SPIRE1: variants seen among roughly 807,000 people sequenced by gnomAD.
SPIRE1 encodes protein spire homolog 1.
A neutral mutation model predicts 94.1 loss-of-function variants in SPIRE1; 40 were observed. The ratio of observed to expected loss-of-function variants is 0.43; its 90% CI spans 0.33 to 0.55. The LOEUF is 0.55. Among genes scored for constraint, SPIRE1 ranks in the 20% least tolerant of loss-of-function variants. The pLI is 0.06. For missense variants in SPIRE1, 838 were observed against 975.2 expected (o/e 0.86, Z 1.87); for synonymous variants, 376 against 371.7 (o/e 1.01, Z -0.13).
chr18:12,467,220 GT>G, intron 10 of SPIRE1, among the ~76,000 whole-genome samples: 1 of 152,340 alleles, frequency 6.6e-6, no homozygotes, highest in South Asian at 2.1e-4. Context: ...GGAGGTTGCA[GT>G]GAGCCAGGAT....
rs192154720 is a variant in SPIRE1 at position 12,529,745 on chromosome 18, T to A, written c.729+5731A>T. On this transcript the variant is annotated intron_variant, in intron 4 of 16. Coordinates refer to ENST00000409402, the MANE Select transcript of SPIRE1 (RefSeq NM_001128626.2). ...TATGTGTATGAATGACACAAGAAAG[T>A]GCAAGAGGAAGAGAAAATTTTCATC... is the stretch of plus-strand genomic sequence containing the variant. Among the ~76,000 whole-genome samples the A allele has an allele frequency of 2.3e-3, 350 of 152,304 alleles. 3 individuals carry two copies. Among genetic ancestry groups the A allele is most frequent in the South Asian group, 0.014 (69 of 4,822 alleles).
intron 1 of SPIRE1, among the ~76,000 whole-genome samples, chr18:12,640,866 G>C (rs574490907): frequency 6.6e-6 from 1 of 152,272 alleles, no homozygotes; most frequent in South Asian, 2.1e-4. Context: ...TTGACTTTAA[G>C]GAAAATGGGA....
intron 4 of SPIRE1, among the ~76,000 whole-genome samples, chr18:12,532,946 A>G (rs888149357): frequency 2.6e-5 from 4 of 152,330 alleles, no homozygotes; most frequent in Admixed American, 1.3e-4. Context: ...GAGACAGAAT[A>G]TTAGCAAACC....
At chr18:12,486,945 CGGGTTCA>C (rs1568202195) in intron 8 of SPIRE1, among the ~76,000 whole-genome samples, 1 of 152,140 alleles carries the variant, frequency 6.6e-6, no homozygotes, top group Admixed American at 6.5e-5. Context: ...CTCCGCCTCC[CGGGTTCA>C]AGCAATTCTT....
At chr18:12,500,090 G>T (rs183859286) in intron 6 of SPIRE1, among the ~76,000 whole-genome samples, 25 of 152,150 alleles carry the variant, frequency 1.6e-4, no homozygotes, top group Non-Finnish European at 2.9e-5. Context: ...ACACATGGAC[G>T]CAAAGATGGA....
At chr18:12,583,236 C>T (rs1269932883) in intron 2 of SPIRE1, among the ~76,000 whole-genome samples, 4 of 152,162 alleles carry the variant, frequency 2.6e-5, no homozygotes, top group Admixed American at 2.6e-4. Flanking sequence ...TTTTGAGAGG[C>T]AGATGCAGGA....
intron 6 of SPIRE1, among the ~76,000 whole-genome samples, chr18:12,497,832 T>C (rs2143909936): frequency 6.6e-6 from 1 of 152,362 alleles, no homozygotes; most frequent in East Asian, 1.9e-4. Flanking sequence ...CTGGCTAATT[T>C]TCACATGCTT....
intron 11 of SPIRE1, 39 bp from the exon 12 acceptor site, chr18:12,463,532 T>C (rs1258105780): frequency 6.4e-7 from 1 of 1,553,872 alleles, no homozygotes. Context: ...TTACTGTGAA[T>C]TTTCTAACAC....
At chr18:12,503,084 G>T (rs2033717288) in intron 6 of SPIRE1, among the ~76,000 whole-genome samples, 1 of 150,694 alleles carries the variant, frequency 6.6e-6, no homozygotes, top group Admixed American at 6.6e-5. Flanking sequence ...ACTCCAGCCT[G>T]GGCAACAGAG....
At chr18:12,469,614 T>C (rs2032263617) in intron 10 of SPIRE1, among the ~76,000 whole-genome samples, 1 of 144,746 alleles carries the variant, frequency 6.9e-6, no homozygotes, top group Non-Finnish European at 1.5e-5. Flanking sequence ...TTATTTATAT[T>C]TATATAAATG....
chr18:12,501,096 G>GAAAAAAA (rs1180397548), intron 6 of SPIRE1, among the ~76,000 whole-genome samples: 1 of 89,670 alleles, frequency 1.1e-5, no homozygotes, highest in African/African-American at 4.1e-5. Flanking sequence ...AAAAAAAAAA[G>GAAAAAAA]AAAAAAAAAA....
At chr18:12,480,582 C>G (rs757948377) in intron 9 of SPIRE1, among the ~76,000 whole-genome samples, 3 of 152,162 alleles carry the variant, frequency 2.0e-5, no homozygotes, top group African/African-American at 7.2e-5. Flanking sequence ...GTGCCTAGTA[C>G]AGGCAGTGAA....
intron 2 of SPIRE1, among the ~76,000 whole-genome samples, chr18:12,553,099 G>T (rs2035401667): frequency 6.6e-6 from 1 of 152,130 alleles, no homozygotes; most frequent in African/African-American, 2.4e-5. Context: ...ATGGACCTTG[G>T]GTTAGACTAC....
At chr18:12,518,533 T>C (rs2034267274) in intron 4 of SPIRE1, among the ~76,000 whole-genome samples, 1 of 151,132 alleles carries the variant, frequency 6.6e-6, no homozygotes, top group Admixed American at 6.6e-5. Flanking sequence ...AGCAACAAAT[T>C]ACTGCCAGGC....
At chr18:12,601,103 G>A (rs754894795) in intron 2 of SPIRE1, among the ~76,000 whole-genome samples, 2 of 152,066 alleles carry the variant, frequency 1.3e-5, no homozygotes, top group Non-Finnish European at 2.9e-5. Flanking sequence ...CTGAGTCCTT[G>A]TGACCTCTCC....
chr18:12,456,721 G>A (rs2031523956), intron 12 of SPIRE1, among the ~76,000 whole-genome samples: 1 of 152,166 alleles, frequency 6.6e-6, no homozygotes, highest in Non-Finnish European at 1.5e-5. Context: ...TGGCACAACA[G>A]ACCTGGCAGC....
At chr18:12,563,119 A>G (rs141882041) in intron 2 of SPIRE1, among the ~76,000 whole-genome samples, 1 of 152,176 alleles carries the variant, frequency 6.6e-6, no homozygotes, top group Non-Finnish European at 1.5e-5. Flanking sequence ...TTTCAGTTAC[A>G]GGGTAGCAAA....
intron 2 of SPIRE1, among the ~76,000 whole-genome samples, chr18:12,565,998 A>T (rs2035809692): frequency 6.7e-6 from 1 of 149,856 alleles, no homozygotes; most frequent in South Asian, 2.1e-4. Flanking sequence ...GTGCCATTGC[A>T]CTCCAGCCTG....
chr18:12,621,578 A>G (rs2037468872), intron 2 of SPIRE1, among the ~76,000 whole-genome samples: 1 of 152,216 alleles, frequency 6.6e-6, no homozygotes. Context: ...ACATGGATGA[A>G]CCCTGAACAT....
Sources: allele counts gnomAD v4.1 joint callset (sites outside exome capture counted in the v4.1 genomes callset), GRCh38; gene constraint gnomAD v4.1.1; transcripts MANE v1.5; gene names NCBI Gene and HGNC (gene_info 2026-07-23, HGNC 2026-07-21).